The following HNF4G variants were observed in gnomAD, a reference collection of about 807,000 sequenced individuals.
The protein encoded by HNF4G is hepatocyte nuclear factor 4 gamma, also known as hepatocyte nuclear factor 4-gamma.
In HNF4G, 21 loss-of-function variants were observed where a neutral mutation model predicts 50.9. The observed-to-expected ratio is 0.41, with a 90% CI of 0.29 to 0.59. The LOEUF is 0.59. Among genes scored for constraint, HNF4G ranks in the 20% least tolerant of loss-of-function variants. The probability of loss-of-function intolerance (pLI) is 0.26; values close to 1 mark genes in which losing one functional copy is unlikely to be tolerated. For synonymous variants in HNF4G, 198 were observed against 185.6 expected (o/e 1.07, Z -0.54); for missense variants, 527 against 559.4 (o/e 0.94, Z 0.58).
chr8:75,539,133 G>A (rs1018863257), upstream of HNF4G, among the ~76,000 whole-genome samples: 1 of 112,046 alleles, frequency 8.9e-6, no homozygotes, highest in Non-Finnish European at 2.0e-5. Context: ...ATTGATGATA[G>A]GAATATGTAG....
chr8:75,547,701 T>C lies in HNF4G; in HGVS notation c.382+20T>C. On this transcript the variant is annotated intron_variant, in intron 3 of 9. Coordinates refer to ENST00000396423, the MANE Select transcript of HNF4G (RefSeq NM_004133.5). ...AAGAAGGTAATAATAATGATGATGA[T>C]AATTAACATTATTGATGAAAAGTGA... 1.5e-6 allele frequency: 2 copies of C among 1,347,856 alleles called. No homozygotes were observed. Among genetic ancestry groups the C allele is most frequent in the Non-Finnish European group, 2.1e-6 (2 of 937,870 alleles). 83.5% of individuals were successfully genotyped at this position (1,347,856 alleles called of 1,614,324 possible).
At chr8:75,562,890 G>A (rs2977945) in intron 9 of HNF4G, among the ~76,000 whole-genome samples, 81,285 of 151,916 alleles carry the variant, frequency 0.54, 22,888 homozygotes, top group African/African-American at 0.72. Context: ...GGCTACTGCA[G>A]TCTTAGATCT....
intron 2 of HNF4G, among the ~76,000 whole-genome samples, chr8:75,520,638 A>G (rs1187057104): frequency 6.6e-6 from 1 of 151,952 alleles, no homozygotes; most frequent in Admixed American, 6.6e-5. Flanking sequence ...GGGTTTTGCC[A>G]CGATGCCCAG....
rs1415548848 is a variant in HNF4G at position 75,560,268 on chromosome 8, C to G, written c.1124-76C>G. The G allele has an allele frequency of 5.3e-6, 8 of 1,503,590 alleles. No individual in the cohort carries two copies. The Admixed American group carries it at 1.5e-4, about 28-fold the overall frequency. The allele number at this position is 1,503,590 out of a possible 1,614,324, so 93.1% of individuals were successfully genotyped here. A position where few individuals can be genotyped will look rare whatever the true frequency, so the allele number is the denominator to read the frequency against. On this transcript the variant is annotated intron_variant, in intron 8 of 9. Transcript: ENST00000396423. ...AAATAGCGATATTTAAGCTGTCAATCAAAACATTTGTTTCAAGGTAAACTT... is the reference window on the plus strand; with the variant it reads ...AAATAGCGATATTTAAGCTGTCAATGAAAACATTTGTTTCAAGGTAAACTT...
At chr8:75,511,192 G>A (rs1169255325) in intron 2 of HNF4G, among the ~76,000 whole-genome samples, 2 of 151,940 alleles carry the variant, frequency 1.3e-5, no homozygotes, top group African/African-American at 4.8e-5. Context: ...TTCATTTTAT[G>A]ATCTCTATAG....
chr8:75,415,568 A>C (rs1238070222), intron 1 of HNF4G, among the ~76,000 whole-genome samples: 1 of 152,228 alleles, frequency 6.6e-6, no homozygotes, highest in Non-Finnish European at 1.5e-5. Context: ...TCAATACAAC[A>C]ACAATAGTTA....
rs1807444967 is a variant in HNF4G, at chr8:75,565,727, C to A, written c.*1631C>A. 6.6e-6 allele frequency: 1 copy of A among 151,898 alleles called. No individual in the cohort carries two copies. Among genetic ancestry groups the A allele is most frequent in the Admixed American group, 6.6e-5 (1 of 15,240 alleles). 9.4% of individuals were successfully genotyped at this position (151,898 alleles called of 1,614,324 possible). A position where few individuals can be genotyped will look rare whatever the true frequency, so the allele number is the denominator to read the frequency against. ...ATCTTTCTCAGGATTTTTTAAATGT[C>A]TAAGATTATGATGTCATATCTCCCA... On this transcript the variant is annotated 3_prime_UTR_variant, in exon 10 of 10. Coordinates refer to ENST00000396423, the MANE Select transcript of HNF4G (RefSeq NM_004133.5).
At chr8:75,479,131 T>A (rs62521457) in intron 1 of HNF4G, among the ~76,000 whole-genome samples, 24,629 of 152,100 alleles carry the variant, frequency 0.16, 2,301 homozygotes, top group African/African-American at 0.25. Context: ...CTCTCCCAAA[T>A]CATCCCTGAC....
At chr8:75,504,561 G>T (rs7011614) in intron 2 of HNF4G, among the ~76,000 whole-genome samples, 37,036 of 151,920 alleles carry the variant, frequency 0.24, 4,794 homozygotes, top group South Asian at 0.31. Flanking sequence ...AGCGTTGCAC[G>T]AGTGATATTA....
chr8:75,534,739 T>C (rs145036205), intron 2 of HNF4G, among the ~76,000 whole-genome samples: 9 of 151,962 alleles, frequency 5.9e-5, no homozygotes, highest in Admixed American at 3.3e-4. Flanking sequence ...TGGCATTTTT[T>C]AGTAGTGATG....
intron 1 of HNF4G, among the ~76,000 whole-genome samples, chr8:75,456,070 T>C (rs1811713487): frequency 6.6e-6 from 1 of 152,138 alleles, no homozygotes; most frequent in Non-Finnish European, 1.5e-5. Context: ...ACTTCTTATC[T>C]GAGTATAGCT....
chr8:75,496,475 C>G (rs535282157), intron 2 of HNF4G, among the ~76,000 whole-genome samples: 1 of 151,912 alleles, frequency 6.6e-6, no homozygotes, highest in African/African-American at 2.4e-5. Context: ...AAAAGCTTGA[C>G]GTTACCAGTT....
chr8:75,448,956 C>G lies in HNF4G; in HGVS notation c.-144+40794C>G, dbSNP rs373970926. The stretch of plus-strand genomic sequence containing the variant: ...ATTAAGAAGAAAATTTCTCAAACCT[C>G]ATTAAAAATGACAAAGAAAATCAAA... On this transcript the variant is annotated intron_variant, in intron 1 of 10. Coordinates refer to the HNF4G transcript ENST00000354370. Among the ~76,000 whole-genome samples, 5 of 152,206 alleles carry G rather than the reference C, an allele frequency of 3.3e-5. No individual in the cohort carries two copies. The East Asian group carries it at 7.7e-4, about 23-fold the overall frequency.
At chr8:75,523,598 G>T (rs1806103693) in intron 2 of HNF4G, among the ~76,000 whole-genome samples, 1 of 152,094 alleles carries the variant, frequency 6.6e-6, no homozygotes, top group South Asian at 2.1e-4. Context: ...TACGTTAAAT[G>T]TATGGGGAAA....
intron 1 of HNF4G, among the ~76,000 whole-genome samples, chr8:75,427,183 T>A (rs1383204668): frequency 3.3e-5 from 5 of 152,190 alleles, no homozygotes; most frequent in African/African-American, 1.2e-4. Flanking sequence ...CTGTATTTCT[T>A]TGAATGCATG....
intron 1 of HNF4G, among the ~76,000 whole-genome samples, chr8:75,415,087 T>C (rs1030966501): frequency 5.9e-5 from 9 of 152,232 alleles, no homozygotes; most frequent in African/African-American, 2.2e-4. Flanking sequence ...GATATTTCAT[T>C]GTGATTTTAA....
intron 1 of HNF4G, among the ~76,000 whole-genome samples, chr8:75,469,550 T>C (rs902277709): frequency 3.9e-5 from 6 of 152,306 alleles, no homozygotes; most frequent in Admixed American, 6.5e-5. Flanking sequence ...TATCATTAGT[T>C]CTTTTACTGT....
chr8:75,494,306 A>G (rs1222461023), intron 2 of HNF4G, among the ~76,000 whole-genome samples: 223 of 48,638 alleles, frequency 4.6e-3, no homozygotes, highest in African/African-American at 8.3e-3. Flanking sequence ...TACAGCACAC[A>G]CACACACACA....
Position 75,490,578 on chromosome 8 carries a change from A to G in HNF4G, c.-24+370A>G, listed in dbSNP as rs1301135899. ...AAGAACATTTATTTAATGATGGGAA[A>G]GAGTTTCTATTAATAAAAACTGTTT... On this transcript the variant is annotated intron_variant, in intron 2 of 10. Coordinates refer to the HNF4G transcript ENST00000354370. Among the ~76,000 whole-genome samples, 4 of 152,224 alleles carry G rather than the reference A, an allele frequency of 2.6e-5. No homozygotes were observed. In the South Asian group the frequency reaches 6.2e-4, roughly 24 times the overall value.
Sources: allele counts gnomAD v4.1 joint callset (sites outside exome capture counted in the v4.1 genomes callset), GRCh38; gene constraint gnomAD v4.1.1; transcripts MANE v1.5; gene names NCBI Gene and HGNC (gene_info 2026-07-23, HGNC 2026-07-21).